The following COG5 variants were observed in gnomAD, a reference collection of about 807,000 sequenced individuals.
The protein encoded by COG5 is component of oligomeric golgi complex 5, also known as conserved oligomeric Golgi complex subunit 5.
A neutral mutation model predicts 110.4 loss-of-function variants in COG5; 86 were observed. The ratio of observed to expected loss-of-function variants is 0.78; its 90% CI spans 0.65 to 0.93. COG5 has a LOEUF of 0.93. COG5 is among the 40% of genes least tolerant of loss of function. The pLI, the probability that COG5 is intolerant of heterozygous loss-of-function variation, is 0.00. For missense variants in COG5, 1,077 were observed against 987.0 expected, an observed-to-expected ratio of 1.09 and a Z score of -1.22; for synonymous variants, 360 against 334.6, an observed-to-expected ratio of 1.08 and a Z score of -0.83.
chr7:107,355,978 C>G (rs761691892), intron 10 of COG5, among the ~76,000 whole-genome samples: 36 of 152,182 alleles, frequency 2.4e-4, no homozygotes, highest in Non-Finnish European at 4.1e-4. Flanking sequence ...TTGCTCTTAG[C>G]ACGGTATAGT....
chr7:107,360,761 T>C (rs1584727651), intron 10 of COG5, among the ~76,000 whole-genome samples: 1 of 152,226 alleles, frequency 6.6e-6, no homozygotes, highest in Non-Finnish European at 1.5e-5. Flanking sequence ...CTGTGCACAG[T>C]GGCTGGACCC....
chr7:107,563,741 G>T, intron 1 of COG5, 62 bp downstream of exon 1: 1 of 1,583,104 alleles, frequency 6.3e-7, no homozygotes, highest in Non-Finnish European at 8.7e-7. Flanking sequence ...CCACCTCGCT[G>T]TCCAGGTGCG....
chr7:107,475,081 C>T, intron 6 of COG5: 1 of 1,612,782 alleles, frequency 6.2e-7, no homozygotes, highest in South Asian at 1.1e-5. Context: ...ATGTTTAGGC[C>T]CAAGTGACCT....
At chr7:107,563,557 G>GTCGA in intron 1 of COG5, 1 of 475,838 alleles carries the variant, frequency 2.1e-6, no homozygotes, top group Non-Finnish European at 3.8e-6. Flanking sequence ...GGGGGGGGGG[G>GTCGA]GTCGAGTTGA....
At chr7:107,286,802 A>G (rs1805673394) in intron 12 of COG5, among the ~76,000 whole-genome samples, 1 of 152,110 alleles carries the variant, frequency 6.6e-6, no homozygotes, top group Non-Finnish European at 1.5e-5. Context: ...TTTTTAAAAT[A>G]AAAAATTCCC....
At chr7:107,522,945 G>C (rs1584929847) in intron 6 of COG5, among the ~76,000 whole-genome samples, 3 of 152,032 alleles carry the variant, frequency 2.0e-5, no homozygotes, top group Admixed American at 1.3e-4. Context: ...AATCAGGTAG[G>C]GTTATTCCTC....
At chr7:107,433,816 C>T (rs1794184636) in intron 6 of COG5, among the ~76,000 whole-genome samples, 1 of 152,048 alleles carries the variant, frequency 6.6e-6, no homozygotes, top group Non-Finnish European at 1.5e-5. Flanking sequence ...TAAAAATAAA[C>T]TGAACTACAT....
intron 6 of COG5, among the ~76,000 whole-genome samples, chr7:107,469,174 A>C (rs1040428378): frequency 1.3e-5 from 2 of 151,840 alleles, no homozygotes; most frequent in African/African-American, 4.8e-5. Flanking sequence ...TTTATCCTTT[A>C]AAATAATATT....
intron 10 of COG5, among the ~76,000 whole-genome samples, chr7:107,328,359 A>G (rs1809948376): frequency 6.6e-6 from 1 of 152,226 alleles, no homozygotes; most frequent in Admixed American, 6.5e-5. Context: ...ATGAGGCCAC[A>G]GTTGTATGTG....
chr7:107,558,529 G>C lies in COG5; in HGVS notation c.95-414C>G, dbSNP rs576059517. On this transcript the variant is annotated intron_variant, in intron 1 of 21. Coordinates refer to ENST00000297135, the MANE Select transcript of COG5 (RefSeq NM_006348.5). ...TGAAGTGGAAGAATAGCTTGAACCC[G>C]GGAGGCACAGGCTGCAGTGAGCCGA... Among the ~76,000 whole-genome samples, 4 of 152,018 alleles carry C rather than the reference G, an allele frequency of 2.6e-5. No homozygotes were observed. In the South Asian group the frequency reaches 6.2e-4, roughly 24 times the overall value.
At chr7:107,373,936 A>T (rs1814412893) in intron 7 of COG5, among the ~76,000 whole-genome samples, 1 of 152,192 alleles carries the variant, frequency 6.6e-6, no homozygotes, top group African/African-American at 2.4e-5. Flanking sequence ...AGACATACAC[A>T]TAAACTCACA....
intron 8 of COG5, among the ~76,000 whole-genome samples, chr7:107,365,711 T>C (rs796326137): frequency 1.2e-4 from 17 of 146,762 alleles, no homozygotes; most frequent in African/African-American, 3.5e-4. Flanking sequence ...GGAGGTAAAG[T>C]GAGATGAAGA....
intron 11 of COG5, among the ~76,000 whole-genome samples, chr7:107,311,357 C>T (rs1021679443): frequency 7.4e-6 from 1 of 135,768 alleles, no homozygotes; most frequent in Non-Finnish European, 1.6e-5. Context: ...TAAGTGATAT[C>T]GAGCGTATTT....
intron 1 of COG5, among the ~76,000 whole-genome samples, chr7:107,560,119 T>C (rs1803659586): frequency 6.6e-6 from 1 of 152,206 alleles, no homozygotes; most frequent in South Asian, 2.1e-4. Flanking sequence ...GCACAGACTG[T>C]TACATTTTCA....
intron 6 of COG5, 95 bp downstream of exon 6, chr7:107,527,142 C>T: frequency 8.7e-7 from 1 of 1,150,398 alleles, no homozygotes; most frequent in Non-Finnish European, 1.2e-6. Flanking sequence ...TTTAATAGTA[C>T]TTGCTAATGG....
chr7:107,209,587 G>A (rs984198727), intron 21 of COG5: 6 of 159,680 alleles, frequency 3.8e-5, no homozygotes, highest in African/African-American at 9.6e-5. Flanking sequence ...TATGGGAAAT[G>A]ATAGCATTTA....
intron 20 of COG5, 53 bp from the exon 21 acceptor site, chr7:107,210,658 G>A: frequency 2.0e-6 from 3 of 1,534,870 alleles, no homozygotes; most frequent in Non-Finnish European, 2.7e-6. Context: ...TTTAGTAAAT[G>A]GCAGCAAGTG....
At chr7:107,454,746 G>A (rs1795556268) in intron 6 of COG5, among the ~76,000 whole-genome samples, 2 of 152,122 alleles carry the variant, frequency 1.3e-5, no homozygotes, top group Non-Finnish European at 2.9e-5. Flanking sequence ...CAGCAGCTGT[G>A]TTGAAGCTCA....
intron 10 of COG5, among the ~76,000 whole-genome samples, chr7:107,359,425 C>A (rs1026146326): frequency 6.6e-6 from 1 of 152,128 alleles, no homozygotes; most frequent in Non-Finnish European, 1.5e-5. Context: ...CCTGCAGGTG[C>A]CCCGTGGCAT....
Sources: gnomAD v4.1 joint callset for allele counts (sites outside exome capture counted in the v4.1 genomes callset) on GRCh38, gnomAD v4.1.1 for gene constraint, MANE v1.5 for transcripts, NCBI Gene and HGNC (gene_info 2026-07-23, HGNC 2026-07-21) for gene names.